Variants in ASPH observed in about 807,000 individuals in gnomAD.
ASPH encodes aspartate beta-hydroxylase.
In ASPH, 100 loss-of-function variants were observed where a neutral mutation model predicts 118.4. That is an observed-to-expected ratio of 0.84 (90% CI 0.72 to 1.00). ASPH has a LOEUF of 1.00. Among genes scored for constraint, ASPH ranks in the 50% least tolerant of loss-of-function variants. The pLI is 0.00. For missense variants in ASPH, 920 were observed against 919.5 expected (o/e 1.00, Z -0.01); for synonymous variants, 315 against 325.6 (o/e 0.97, Z 0.35).
At chr8:61,652,528 T>TA (rs34800191) in intron 4 of ASPH, among the ~76,000 whole-genome samples, 79 of 152,012 alleles carry the variant, frequency 5.2e-4, no homozygotes, top group African/African-American at 1.8e-3. Flanking sequence ...TGTAATGGGT[T>TA]AAAAAAAATG....
intron 3 of ASPH, among the ~76,000 whole-genome samples, chr8:61,662,583 GTT>G (rs1215915901): frequency 6.6e-6 from 1 of 152,176 alleles, no homozygotes; most frequent in Non-Finnish European, 1.5e-5. Context: ...CTGAAAGCTT[GTT>G]TTTAGTTGAA....
chr8:61,507,559 C>A (rs768182772), intron 24 of ASPH, among the ~76,000 whole-genome samples: 9 of 152,034 alleles, frequency 5.9e-5, no homozygotes, highest in Non-Finnish European at 1.0e-4. Flanking sequence ...CACGATTCAC[C>A]TAAAAGGGGA....
At chr8:61,526,271 G>A (rs557493773) in intron 21 of ASPH, among the ~76,000 whole-genome samples, 159 bp from the exon 22 acceptor site, 1 of 152,216 alleles carries the variant, frequency 6.6e-6, no homozygotes, top group South Asian at 2.1e-4. Context: ...TCTTGTCACA[G>A]CTATAAAAAC....
intron 3 of ASPH, among the ~76,000 whole-genome samples, chr8:61,670,253 A>G (rs1026859549): frequency 6.6e-6 from 1 of 152,026 alleles, no homozygotes; most frequent in African/African-American, 2.4e-5. Flanking sequence ...TGTATCCCAG[A>G]ACTTAAAATA....
At chr8:61,618,901 A>T in intron 14 of ASPH, 77 bp downstream of exon 14, 2 of 1,281,490 alleles carry the variant, frequency 1.6e-6, no homozygotes, top group Non-Finnish European at 2.2e-6. Context: ...AAATCATGTT[A>T]TTCTTGGATG....
intron 17 of ASPH, among the ~76,000 whole-genome samples, chr8:61,565,749 T>C (rs1274337985): frequency 2.0e-5 from 3 of 152,176 alleles, no homozygotes; most frequent in Non-Finnish European, 4.4e-5. Flanking sequence ...ACTTTCATAG[T>C]GAGAGAGGAG....
intron 14 of ASPH, among the ~76,000 whole-genome samples, chr8:61,600,931 G>A (rs1791389285): frequency 6.6e-6 from 1 of 151,260 alleles, no homozygotes. Context: ...CAATAAAAAA[G>A]AGCTGAAGTG....
chr8:61,538,939 A>C (rs1019500118), intron 21 of ASPH, among the ~76,000 whole-genome samples: 1 of 152,226 alleles, frequency 6.6e-6, no homozygotes, highest in Non-Finnish European at 1.5e-5. Flanking sequence ...CAGGAGAAAC[A>C]AATACAAAAA....
In ASPH at chr8:61,673,352, G is replaced by A. The variant is rs544833738; in HGVS notation, c.322+7616C>T. Among the ~76,000 whole-genome samples the A allele has an allele frequency of 2.6e-5, 4 of 152,290 alleles. No homozygotes were observed. In the South Asian group the frequency reaches 8.3e-4, roughly 32 times the overall value. ...CCCAAAGCAAGGCAGGCTGAAGGAAGCTAAAGGGCTGAAAAGAATCCCCAG... is the reference window on the plus strand; with the variant it reads ...CCCAAAGCAAGGCAGGCTGAAGGAAACTAAAGGGCTGAAAAGAATCCCCAG... On this transcript the variant is annotated intron_variant, in intron 3 of 24. Transcript: ENST00000379454.
chr8:61,636,704 T>C (rs981197082), intron 12 of ASPH, among the ~76,000 whole-genome samples: 3 of 152,218 alleles, frequency 2.0e-5, no homozygotes, highest in African/African-American at 7.2e-5. Flanking sequence ...TCAAATTGCA[T>C]AGTTCTTTTC....
chr8:61,707,780 C>A (rs1483019739), intron 1 of ASPH, among the ~76,000 whole-genome samples: 1 of 152,158 alleles, frequency 6.6e-6, no homozygotes, highest in Non-Finnish European at 1.5e-5. Flanking sequence ...GAATTTCAAA[C>A]AAATGCTGTC....
intron 13 of ASPH, among the ~76,000 whole-genome samples, chr8:61,622,140 C>T (rs1851178901): frequency 6.6e-6 from 1 of 152,130 alleles, no homozygotes; most frequent in African/African-American, 2.4e-5. Flanking sequence ...GAGATCGAGA[C>T]CATCCTGGCC....
At chr8:61,535,972 A>T (rs1819372440) in intron 21 of ASPH, among the ~76,000 whole-genome samples, 1 of 152,166 alleles carries the variant, frequency 6.6e-6, no homozygotes, top group African/African-American at 2.4e-5. Context: ...CACTGGTCCT[A>T]ATACACTTTG....
chr8:61,593,718 C>A (rs1249193398), intron 14 of ASPH, among the ~76,000 whole-genome samples: 1 of 152,066 alleles, frequency 6.6e-6, no homozygotes. Context: ...ACAGATGTGA[C>A]CCCATATGTT....
At chr8:61,630,607 T>C (rs1236092210) in intron 13 of ASPH, among the ~76,000 whole-genome samples, 1 of 152,196 alleles carries the variant, frequency 6.6e-6, no homozygotes, top group Non-Finnish European at 1.5e-5. Flanking sequence ...AGATGCATCT[T>C]AGCTTTCATA....
chr8:61,653,501 T>C, intron 4 of ASPH, 67 bp downstream of exon 4: 1 of 1,465,286 alleles, frequency 6.8e-7, no homozygotes, highest in Non-Finnish European at 9.3e-7. Flanking sequence ...AACGTGATTC[T>C]GTAAATGCGG....
In ASPH at chr8:61,550,468, CATA is replaced by C. The variant is rs1351211086; in HGVS notation, c.1627-2263_1627-2261del. On this transcript the variant is annotated intron_variant, in intron 20 of 24. Transcript: ENST00000379454. ...ACACACACACACACACACACACACACATAAGAGAAAGAGAGAGAGAGAGAGAGA... is the reference window on the plus strand; with the variant it reads ...ACACACACACACACACACACACACACAGAGAAAGAGAGAGAGAGAGAGAGA... Among the ~76,000 whole-genome samples, 3 of 146,414 alleles carry C rather than the reference CATA, an allele frequency of 2.0e-5. No individual in the cohort carries two copies. The East Asian group carries it at 6.5e-4, about 32-fold the overall frequency.
chr8:61,570,860 A>G (rs1009059352), intron 16 of ASPH, among the ~76,000 whole-genome samples: 1 of 152,218 alleles, frequency 6.6e-6, no homozygotes, highest in Non-Finnish European at 1.5e-5. Flanking sequence ...TGGTTTGTGA[A>G]AGATAATAAA....
chr8:61,682,566 C>G, intron 2 of ASPH: 1 of 1,291,902 alleles, frequency 7.7e-7, no homozygotes. Context: ...AGATACATTC[C>G]CTAACAACAT....
Sources: gnomAD v4.1 joint callset for allele counts (sites outside exome capture counted in the v4.1 genomes callset) on GRCh38, gnomAD v4.1.1 for gene constraint, MANE v1.5 for transcripts, NCBI Gene and HGNC (gene_info 2026-07-23, HGNC 2026-07-21) for gene names.